PAK5: variants seen among roughly 807,000 people sequenced by gnomAD.
The protein encoded by PAK5 is serine/threonine-protein kinase PAK 5.
Under a neutral mutation model 65.9 loss-of-function variants are expected in PAK5, and 16 were observed. The ratio of observed to expected loss-of-function variants is 0.24; its 90% CI spans 0.16 to 0.37. The LOEUF (loss-of-function observed/expected upper bound fraction) is 0.37. Among genes scored for constraint, PAK5 ranks in the 10% least tolerant of loss-of-function variants. PAK5 has a pLI of 1.00. For synonymous variants in PAK5, 371 were observed against 354.9 expected (o/e 1.05, Z -0.51); for missense variants, 785 against 903.9 (o/e 0.87, Z 1.69).
At chr20:9,824,187 T>C (rs6516503) in intron 1 of PAK5, among the ~76,000 whole-genome samples, 41,441 of 152,050 alleles carry the variant, frequency 0.27, 6,841 homozygotes, top group African/African-American at 0.47. Flanking sequence ...ACTTTTTAAA[T>C]ATTAGACAGT....
intron 3 of PAK5, among the ~76,000 whole-genome samples, chr20:9,620,282 G>T (rs2046745436): frequency 6.6e-6 from 1 of 151,428 alleles, no homozygotes; most frequent in Non-Finnish European, 1.5e-5. Context: ...TCAGCACTGG[G>T]CTTGGTATTT....
intron 3 of PAK5, among the ~76,000 whole-genome samples, chr20:9,629,981 A>T (rs1196895716): frequency 6.6e-6 from 1 of 152,204 alleles, no homozygotes; most frequent in East Asian, 1.9e-4. Context: ...ATCTTTTGTA[A>T]TGTGAAGTTC....
intron 1 of PAK5, among the ~76,000 whole-genome samples, chr20:9,826,951 G>A (rs1453109374): frequency 1.3e-5 from 2 of 152,108 alleles, no homozygotes; most frequent in African/African-American, 4.8e-5. Context: ...CTCTATTGTG[G>A]GGAGGCCGGC....
chr20:9,648,141 A>G (rs1211427621), intron 2 of PAK5, among the ~76,000 whole-genome samples: 2 of 152,116 alleles, frequency 1.3e-5, no homozygotes, highest in East Asian at 3.9e-4. Context: ...CATGAGGAGA[A>G]CTCATAGGAC....
At chr20:9,602,378 C>G (rs2046377647) in intron 3 of PAK5, among the ~76,000 whole-genome samples, 1 of 152,096 alleles carries the variant, frequency 6.6e-6, no homozygotes, top group African/African-American at 2.4e-5. Flanking sequence ...AGACCCCTTG[C>G]TCCTAATGTT....
intron 1 of PAK5, among the ~76,000 whole-genome samples, chr20:9,812,330 G>A (rs2049306941): frequency 6.6e-6 from 1 of 151,338 alleles, no homozygotes; most frequent in African/African-American, 2.4e-5. Flanking sequence ...AATTTGAAGA[G>A]ACAATATCAC....
At chr20:9,614,219 G>T (rs1478911395) in intron 3 of PAK5, among the ~76,000 whole-genome samples, 1 of 152,134 alleles carries the variant, frequency 6.6e-6, no homozygotes, top group African/African-American at 2.4e-5. Flanking sequence ...GCTTCTCACG[G>T]GCTCATTAGT....
intron 3 of PAK5, among the ~76,000 whole-genome samples, chr20:9,591,582 G>A (rs1240799638): frequency 2.7e-5 from 4 of 148,962 alleles, no homozygotes; most frequent in Non-Finnish European, 4.5e-5. Context: ...CTATAACAAA[G>A]GAAATGTTAC....
chr20:9,567,935 G>A (rs1265363702), intron 4 of PAK5, among the ~76,000 whole-genome samples: 1 of 152,168 alleles, frequency 6.6e-6, no homozygotes, highest in African/African-American at 2.4e-5. Context: ...CTGAGTGAGG[G>A]AAAAAGCAAG....
intron 2 of PAK5, among the ~76,000 whole-genome samples, chr20:9,708,408 C>T (rs1185954284): frequency 6.6e-6 from 1 of 152,004 alleles, no homozygotes; most frequent in Non-Finnish European, 1.5e-5. Context: ...ATAAATATCT[C>T]CCACCTGACA....
chr20:9,696,816 T>C (rs748409164), intron 2 of PAK5, among the ~76,000 whole-genome samples: 8 of 152,102 alleles, frequency 5.3e-5, no homozygotes, highest in Non-Finnish European at 1.2e-4. Flanking sequence ...GATTAGAATA[T>C]ACAATCTGGG....
intron 3 of PAK5, among the ~76,000 whole-genome samples, chr20:9,590,821 TA>T (rs144016877): frequency 0.055 from 8,373 of 152,152 alleles, 359 homozygotes; most frequent in African/African-American, 0.12. Flanking sequence ...GCAACCCAAA[TA>T]AACAACCCAA....
At chr20:9,833,195 T>C (rs865913915) in intron 1 of PAK5, among the ~76,000 whole-genome samples, 1 of 152,202 alleles carries the variant, frequency 6.6e-6, no homozygotes. Context: ...ACTTAGCCAA[T>C]TTCCATGACG....
chr20:9,606,492 G>A (rs1301427392), intron 3 of PAK5, among the ~76,000 whole-genome samples: 3 of 152,182 alleles, frequency 2.0e-5, no homozygotes, highest in Non-Finnish European at 4.4e-5. Context: ...GACCCCACAT[G>A]TGGACCGTAG....
chr20:9,549,371 C>G (rs1351814073), intron 7 of PAK5, among the ~76,000 whole-genome samples: 2 of 151,902 alleles, frequency 1.3e-5, no homozygotes, highest in Admixed American at 6.6e-5. Flanking sequence ...TTAACGTAGG[C>G]CAATTGGAAC....
intron 1 of PAK5, among the ~76,000 whole-genome samples, chr20:9,819,739 G>A (rs939564911): frequency 6.6e-6 from 1 of 152,046 alleles, no homozygotes; most frequent in Non-Finnish European, 1.5e-5. Context: ...GAATACAAAA[G>A]CCACACATTC....
At chr20:9,676,623 T>C (rs940490173) in intron 2 of PAK5, among the ~76,000 whole-genome samples, 4 of 152,168 alleles carry the variant, frequency 2.6e-5, no homozygotes, top group African/African-American at 9.7e-5. Flanking sequence ...TGTTCTGAAT[T>C]CTGAATTGTG....
At chr20:9,663,365 G>A (rs2047372157) in intron 2 of PAK5, among the ~76,000 whole-genome samples, 1 of 152,152 alleles carries the variant, frequency 6.6e-6, no homozygotes, top group African/African-American at 2.4e-5. Context: ...TTGAAGCTGT[G>A]TCTAAGAGGT....
intron 3 of PAK5, among the ~76,000 whole-genome samples, chr20:9,641,986 G>T (rs1401590189): frequency 1.3e-5 from 2 of 152,180 alleles, no homozygotes; most frequent in Non-Finnish European, 2.9e-5. Context: ...ACACCTCCCT[G>T]CAAGCTGAGG....
Sources: allele counts gnomAD v4.1 joint callset (sites outside exome capture counted in the v4.1 genomes callset), GRCh38; gene constraint gnomAD v4.1.1; transcripts MANE v1.5; gene names NCBI Gene and HGNC (gene_info 2026-07-23, HGNC 2026-07-21).